DCHS2: variants seen among roughly 807,000 people sequenced by gnomAD.
The protein encoded by DCHS2 is dachsous cadherin-related 2.
DCHS2 carries 142 observed loss-of-function variants against 182.4 expected under a neutral mutation model. The ratio of observed to expected loss-of-function variants is 0.78; its 90% CI spans 0.68 to 0.89. The LOEUF is 0.89. Ranked by LOEUF, DCHS2 falls within the 40% of genes least tolerant of loss-of-function variation. The probability of loss-of-function intolerance (pLI) is 0.00; values close to 1 mark genes in which losing one functional copy is unlikely to be tolerated. For missense variants in DCHS2, 4,319 were observed against 4,198.6 expected (o/e 1.03, Z -0.79); for synonymous variants, 1,740 against 1,663.3 (o/e 1.05, Z -1.12).
intron 7 of DCHS2, among the ~76,000 whole-genome samples, chr4:154,324,509 C>A (rs904036194): frequency 6.6e-6 from 1 of 152,194 alleles, no homozygotes; most frequent in Non-Finnish European, 1.5e-5. Context: ...ACGGAGAATA[C>A]ACATGCACAC....
At chr4:154,365,932 G>C (rs1730331269) in intron 3 of DCHS2, among the ~76,000 whole-genome samples, 1 of 151,844 alleles carries the variant, frequency 6.6e-6, no homozygotes, top group Admixed American at 6.6e-5. Flanking sequence ...ACAGGTGTGA[G>C]CCACCGCACC....
At position 154,320,644 on chromosome 4, in the gene DCHS2, C is replaced by T; in HGVS notation, c.4755G>A (p.Leu1585=). ...LDRESIPTVI[L]TVTASDQAVN... ...CAGCCTGATCAGATGCTGTTACTGT[C>T]AGGATGACAGTTGGAATGCTTTCTC... Residue 1585 remains leucine (L), a synonymous_variant, in exon 9 of 20, where the codon CTG becomes CTA. Coordinates refer to ENST00000357232, the MANE Select transcript of DCHS2 (RefSeq NM_001358235.2). The T allele has an allele frequency of 6.2e-7, 1 of 1,614,096 alleles. No homozygotes were observed. Among genetic ancestry groups the T allele is most frequent in the Non-Finnish European group, 8.5e-7 (1 of 1,180,014 alleles).
chr4:154,419,900 A>G (rs1416692056), intron 1 of DCHS2, among the ~76,000 whole-genome samples: 1 of 151,138 alleles, frequency 6.6e-6, no homozygotes, highest in Non-Finnish European at 1.5e-5. Context: ...TGTAGGGGGA[A>G]GTGGACATAT....
Position 154,247,635 on chromosome 4 carries a change from C to CAAAAAAAAAAAAAAA in DCHS2, c.6942-4878_6942-4864dup, listed in dbSNP as rs67157369. On this transcript the variant is annotated intron_variant, in intron 16 of 19. Coordinates refer to ENST00000357232, the MANE Select transcript of DCHS2 (RefSeq NM_001358235.2). ...CTGGGTGAAGAGCAAGACTCCGTCT[C>CAAAAAAAAAAAAAAA]AAAAAAAAAAAAAAAAAAAAAAAAA... Among the ~76,000 whole-genome samples, 17 of 100,112 alleles carry CAAAAAAAAAAAAAAA rather than the reference C, an allele frequency of 1.7e-4. 1 individual carries two copies. The highest frequency in any genetic ancestry group is 5.7e-4 in the African/African-American group (14 of 24,718). 65.7% of individuals were successfully genotyped at this position (100,112 alleles called of 152,430 possible). A position where few individuals can be genotyped will look rare whatever the true frequency, so the allele number is the denominator to read the frequency against.
intron 3 of DCHS2, among the ~76,000 whole-genome samples, chr4:154,363,322 T>C (rs1730208753): frequency 6.6e-6 from 1 of 152,154 alleles, no homozygotes; most frequent in Non-Finnish European, 1.5e-5. Flanking sequence ...AAAGGGTCCA[T>C]CCATAGATAA....
intron 1 of DCHS2, among the ~76,000 whole-genome samples, chr4:154,478,670 G>A (rs1026066324): frequency 2.6e-5 from 4 of 152,128 alleles, no homozygotes; most frequent in African/African-American, 4.8e-5. Flanking sequence ...GGGCAAGCTC[G>A]AAATTCTGTA....
At position 154,377,252 on chromosome 4, in the gene DCHS2, C is replaced by T. The variant is rs1730945332; in HGVS notation, c.2244+1G>A. 1 of 1,612,582 alleles carries T rather than the reference C, an allele frequency of 6.2e-7. No individual in the cohort carries two copies. Among genetic ancestry groups the T allele is most frequent in the Non-Finnish European group, 8.5e-7 (1 of 1,179,324 alleles). On this transcript the variant is annotated splice_donor_variant, in intron 2 of 19. Coordinates refer to ENST00000357232, the MANE Select transcript of DCHS2 (RefSeq NM_001358235.2). LOFTEE classifies it high-confidence loss of function. ...AATAAACTTCATACATAAAAACTTA[C>T]CCCATCCTTAGCTTCCACCAGGAGA... is the stretch of plus-strand genomic sequence containing the variant.
chr4:154,485,510 G>A (rs893112418), intron 1 of DCHS2, among the ~76,000 whole-genome samples: 12 of 152,156 alleles, frequency 7.9e-5, no homozygotes, highest in Admixed American at 2.0e-4. Flanking sequence ...AAGGACTGAC[G>A]GAGAAGGGAA....
chr4:154,385,556 C>T (rs1005633230), intron 1 of DCHS2, among the ~76,000 whole-genome samples: 14 of 152,090 alleles, frequency 9.2e-5, no homozygotes, highest in African/African-American at 2.7e-4. Context: ...AGCACAATCT[C>T]GGCTCACTGC....
Position 154,305,082 on chromosome 4 carries a change from CAAAG to C in DCHS2, c.5395+11_5395+14del. 2.5e-6 allele frequency: 4 copies of C among 1,589,524 alleles called. No individual in the cohort carries two copies. Among genetic ancestry groups the C allele is most frequent in the Non-Finnish European group, 3.4e-6 (4 of 1,173,398 alleles). On this transcript the variant is annotated intron_variant, in intron 11 of 19. Coordinates refer to ENST00000357232, the MANE Select transcript of DCHS2 (RefSeq NM_001358235.2). The stretch of plus-strand genomic sequence containing the variant: ...TTTAATTTTTATTTTTTAGCCTACT[CAAAG>C]AATCCCTTACCTCGAAGGGTGAAGA...
chr4:154,471,672 A>G (rs1024431174), intron 1 of DCHS2, among the ~76,000 whole-genome samples: 3 of 152,066 alleles, frequency 2.0e-5, no homozygotes, highest in African/African-American at 7.2e-5. Flanking sequence ...CCTCAAAACT[A>G]AAGTCGCATT....
chr4:154,465,528 G>C (rs932399116), intron 1 of DCHS2, among the ~76,000 whole-genome samples: 5 of 152,064 alleles, frequency 3.3e-5, no homozygotes, highest in African/African-American at 1.2e-4. Context: ...AATTAGCCAG[G>C]CATGGTGGCG....
rs780538232 is a variant in DCHS2, at chr4:154,333,071, T to C, written c.3137A>G (p.Gln1046Arg). Residue 1046 changes from glutamine (Q) to arginine (R), a missense_variant, in exon 5 of 20, where the codon CAG becomes CGG. By Grantham distance (43) the Gln-to-Arg change is conservative (BLOSUM62 1). Transcript: ENST00000357232. Reference sequence around the variant, plus strand: ...CCTGAGAGTCAGCGTGAGCTCCCGCTGCTCGCCCGCGCCCAGGCTGCCGTT... The same window carrying C: ...CCTGAGAGTCAGCGTGAGCTCCCGCCGCTCGCCCGCGCCCAGGCTGCCGTT... ...FLNGSLGAGE[Q>R]RELTLTLRAE... is the part of the protein sequence containing the mutation. 4 of 1,613,918 alleles carry C rather than the reference T, an allele frequency of 2.5e-6. No individual in the cohort carries two copies. Among genetic ancestry groups the C allele is most frequent in the Non-Finnish European group, 3.4e-6 (4 of 1,179,962 alleles).
chr4:154,337,824 T>C (rs1728884899), intron 3 of DCHS2, among the ~76,000 whole-genome samples: 1 of 152,058 alleles, frequency 6.6e-6, no homozygotes, highest in Non-Finnish European at 1.5e-5. Flanking sequence ...CACTGTGACC[T>C]CCGCCTCCTG....
chr4:154,488,926 GTGTGTGTA>G (rs1728685923), intron 1 of DCHS2, among the ~76,000 whole-genome samples: 3 of 134,646 alleles, frequency 2.2e-5, no homozygotes, highest in Non-Finnish European at 5.1e-5. Context: ...GTGTGTGTGT[GTGTGTGTA>G]TACATGTATT....
chr4:154,316,493 G>C (rs1399397164), intron 9 of DCHS2, among the ~76,000 whole-genome samples: 1 of 152,132 alleles, frequency 6.6e-6, no homozygotes, highest in South Asian at 2.1e-4. Context: ...GCCAGGTGTA[G>C]TGGCTCAGGC....
At chr4:154,434,531 TTATAGC>T (rs2110942227) in intron 1 of DCHS2, among the ~76,000 whole-genome samples, 1 of 39,536 alleles carries the variant, frequency 2.5e-5, no homozygotes, top group South Asian at 6.8e-4. Flanking sequence ...GAATTATAGC[TTATAGC>T]TATAAAGGTG....
intron 1 of DCHS2, among the ~76,000 whole-genome samples, chr4:154,441,724 T>C (rs1490683): frequency 0.38 from 46,240 of 120,320 alleles, 8,872 homozygotes; most frequent in East Asian, 0.71. Flanking sequence ...TACGTCACCA[T>C]TTATTAGGCT....
chr4:154,244,871 C>T (rs1038168689), intron 16 of DCHS2, among the ~76,000 whole-genome samples: 4 of 151,994 alleles, frequency 2.6e-5, no homozygotes, highest in East Asian at 3.9e-4. Flanking sequence ...AATATTTTAC[C>T]AAAAATAATC....
Sources: allele counts gnomAD v4.1 joint callset (sites outside exome capture counted in the v4.1 genomes callset), GRCh38; gene constraint gnomAD v4.1.1; transcripts MANE v1.5; gene names NCBI Gene and HGNC (gene_info 2026-07-23, HGNC 2026-07-21).